Variants in ANKRD10 observed in about 807,000 individuals in gnomAD.
ANKRD10 encodes the protein ankyrin repeat domain 10, also known as ankyrin repeat domain-containing protein 10.
In ANKRD10, 14 loss-of-function variants were observed where a neutral mutation model predicts 27.0. The ratio of observed to expected loss-of-function variants is 0.52; its 90% CI spans 0.34 to 0.81. The LOEUF (loss-of-function observed/expected upper bound fraction) is 0.81. ANKRD10 is among the 40% of genes least tolerant of loss of function. The probability of loss-of-function intolerance (pLI) is 0.01; values close to 1 mark genes in which losing one functional copy is unlikely to be tolerated. For missense variants in ANKRD10, 493 were observed against 544.0 expected, an observed-to-expected ratio of 0.91 and a Z score of 0.93; for synonymous variants, 250 against 224.5, an observed-to-expected ratio of 1.11 and a Z score of -1.01.
At chr13:110,906,710 A>G (rs993150707) in intron 2 of ANKRD10, among the ~76,000 whole-genome samples, 2 of 152,190 alleles carry the variant, frequency 1.3e-5, no homozygotes, top group African/African-American at 4.8e-5. Context: ...AATATTTACT[A>G]AATATTCCCA....
chr13:110,879,530 A>AAC lies in ANKRD10; in HGVS notation c.*106_*107insGT. 1 of 855,030 alleles carries AAC rather than the reference A, an allele frequency of 1.2e-6. No individual in the cohort carries two copies. Among genetic ancestry groups the AAC allele is most frequent in the South Asian group, 1.7e-5 (1 of 58,118 alleles). The allele number at this position is 855,030 out of a possible 1,614,324, so 53.0% of individuals were successfully genotyped here. A position where few individuals can be genotyped will look rare whatever the true frequency, so the allele number is the denominator to read the frequency against. ...TTACTTTTTCAGAAAGTTGAAGTATATAAAAAACGTACAAGTTGTGACATT... is the reference window on the plus strand; with the variant it reads ...TTACTTTTTCAGAAAGTTGAAGTATAACTAAAAAACGTACAAGTTGTGACATT... On this transcript the variant is annotated 3_prime_UTR_variant, in exon 6 of 6. Transcript: ENST00000267339.
Position 110,915,053 on chromosome 13 carries a change from T to A in ANKRD10, c.-119A>T. 8 of 1,415,638 alleles carry A rather than the reference T, an allele frequency of 5.7e-6. No homozygotes were observed. Among genetic ancestry groups the A allele is most frequent in the Non-Finnish European group, 7.3e-6 (8 of 1,089,938 alleles). 87.7% of individuals were successfully genotyped at this position (1,415,638 alleles called of 1,614,324 possible). On this transcript the variant is annotated 5_prime_UTR_variant, in exon 1 of 6. Transcript: ENST00000267339. ...AGCGCCGCGGTCGCGTCCCACAGGCTGCCGAGCGGAGCGCGCACAGAGGGG... is the reference window on the plus strand; with the variant it reads ...AGCGCCGCGGTCGCGTCCCACAGGCAGCCGAGCGGAGCGCGCACAGAGGGG...
At chr13:110,898,386 G>C (rs2138856013) in intron 3 of ANKRD10, among the ~76,000 whole-genome samples, 1 of 152,276 alleles carries the variant, frequency 6.6e-6, no homozygotes, top group East Asian at 1.9e-4. Flanking sequence ...ATTTTCATTT[G>C]TTAACCAATA....
chr13:110,889,915 G>C (rs199687303), intron 4 of ANKRD10, among the ~76,000 whole-genome samples: 1 of 152,054 alleles, frequency 6.6e-6, no homozygotes, highest in East Asian at 1.9e-4. Flanking sequence ...TATTATCCCT[G>C]GCACCTGTAA....
intron 3 of ANKRD10, among the ~76,000 whole-genome samples, chr13:110,895,546 C>A (rs796418784): frequency 7.2e-5 from 11 of 152,300 alleles, no homozygotes; most frequent in African/African-American, 2.6e-4. Context: ...GAGATCACAC[C>A]ACTGCACTCC....
intron 3 of ANKRD10, among the ~76,000 whole-genome samples, chr13:110,898,425 A>C (rs2065286385): frequency 1.3e-5 from 2 of 152,182 alleles, no homozygotes. Flanking sequence ...AATTGCTAAA[A>C]TTCAGTAGGA....
chr13:110,880,128 C>A lies in ANKRD10; in HGVS notation c.788-16G>T. The A allele has an allele frequency of 6.3e-7, 1 of 1,594,012 alleles. No homozygotes were observed. The highest frequency in any genetic ancestry group is 8.6e-7 in the Non-Finnish European group (1 of 1,165,900). On this transcript the variant is annotated splice_polypyrimidine_tract_variant and intron_variant, in intron 5 of 5. Transcript: ENST00000267339. ...TTTTTCATATCTGCATTAAGAAATACACCTGTCACCAAAATTCAGAACCAA... is the reference window on the plus strand; with the variant it reads ...TTTTTCATATCTGCATTAAGAAATAAACCTGTCACCAAAATTCAGAACCAA...
At chr13:110,901,601 TAAC>T (rs990440673) in intron 3 of ANKRD10, among the ~76,000 whole-genome samples, 3 of 152,198 alleles carry the variant, frequency 2.0e-5, no homozygotes, top group African/African-American at 7.2e-5. Context: ...AACAATTTCT[TAAC>T]AAGTCTAGAA....
At chr13:110,908,079 A>C (rs1173909578) in intron 2 of ANKRD10, among the ~76,000 whole-genome samples, 1 of 149,148 alleles carries the variant, frequency 6.7e-6, no homozygotes, top group Non-Finnish European at 1.5e-5. Flanking sequence ...CGTAAGACTA[A>C]AGAGCCAGGT....
intron 3 of ANKRD10, chr13:110,893,960 C>G: frequency 1.7e-6 from 1 of 573,776 alleles, no homozygotes; most frequent in Non-Finnish European, 3.0e-6. Flanking sequence ...ATCCCTACCA[C>G]TCACAAGAAC....
At chr13:110,901,154 T>C (rs951690621) in intron 3 of ANKRD10, among the ~76,000 whole-genome samples, 1 of 152,228 alleles carries the variant, frequency 6.6e-6, no homozygotes, top group Admixed American at 6.5e-5. Context: ...TTTGTAAAGA[T>C]AAAACATTAG....
intron 1 of ANKRD10, among the ~76,000 whole-genome samples, chr13:110,911,294 A>G (rs1442195967): frequency 6.6e-6 from 1 of 151,348 alleles, no homozygotes; most frequent in Admixed American, 6.6e-5. Context: ...TACTAAAAAT[A>G]CAAAAAAATT....
chr13:110,880,285 A>G (rs2064788661), intron 5 of ANKRD10, among the ~76,000 whole-genome samples, 173 bp from the exon 6 acceptor site: 1 of 152,194 alleles, frequency 6.6e-6, no homozygotes, highest in Non-Finnish European at 1.5e-5. Context: ...TACTATTAAA[A>G]CGTTAACAGT....
intron 1 of ANKRD10, among the ~76,000 whole-genome samples, chr13:110,911,307 C>T (rs1256096163): frequency 6.6e-6 from 1 of 151,632 alleles, no homozygotes; most frequent in Non-Finnish European, 1.5e-5. Context: ...AAAAAATTAG[C>T]CGGGCGTGGT....
intron 3 of ANKRD10, 25 bp downstream of exon 3, chr13:110,906,008 G>A (rs754342456): frequency 6.4e-7 from 1 of 1,559,696 alleles, no homozygotes; most frequent in South Asian, 1.2e-5. Flanking sequence ...TCTTTAGCTG[G>A]AAAGAATAAA....
chr13:110,914,299 G>A (rs1171672386), intron 1 of ANKRD10, among the ~76,000 whole-genome samples: 1 of 152,144 alleles, frequency 6.6e-6, no homozygotes, highest in Non-Finnish European at 1.5e-5. Context: ...GAAGCCGCCT[G>A]GGCGACTTCG....
At chr13:110,881,962 C>G (rs1028560178) in intron 5 of ANKRD10, among the ~76,000 whole-genome samples, 8 of 152,174 alleles carry the variant, frequency 5.3e-5, no homozygotes, top group Non-Finnish European at 1.2e-4. Flanking sequence ...CTCCCAGCTG[C>G]CAGCCAAGAC....
chr13:110,892,436 A>AAAAAAAAAAAAAAAAAAAAAAAAAT (rs1555321016), intron 4 of ANKRD10, among the ~76,000 whole-genome samples: 4 of 144,570 alleles, frequency 2.8e-5, no homozygotes, highest in Non-Finnish European at 4.6e-5. Context: ...AAAAAAAAAA[A>AAAAAAAAAAAAAAAAAAAAAAAAAT]TGGTGGGAGA....
intron 4 of ANKRD10, among the ~76,000 whole-genome samples, chr13:110,892,438 G>GAAAAAAAAAAAA (rs2065105005): frequency 8.1e-4 from 9 of 11,086 alleles, no homozygotes; most frequent in African/African-American, 3.0e-3. Context: ...AAAAAAAAAT[G>GAAAAAAAAAAAA]GTGGGAGAAT....
Sources: gnomAD v4.1 joint callset for allele counts (sites outside exome capture counted in the v4.1 genomes callset) on GRCh38, gnomAD v4.1.1 for gene constraint, MANE v1.5 for transcripts, NCBI Gene and HGNC (gene_info 2026-07-23, HGNC 2026-07-21) for gene names.